GRM1: variants seen among roughly 807,000 people sequenced by gnomAD.
GRM1 encodes the protein metabotropic glutamate receptor 1.
In GRM1, 33 loss-of-function variants were observed where a neutral mutation model predicts 90.9. The observed-to-expected ratio is 0.36, with a 90% CI of 0.28 to 0.49. GRM1 has a LOEUF of 0.49. GRM1 is among the 20% of genes least tolerant of loss of function. GRM1 has a pLI of 0.99. For missense variants in GRM1, 1,190 were observed against 1,534.3 expected (o/e 0.78, Z 3.75); for synonymous variants, 700 against 613.2 (o/e 1.14, Z -2.09).
chr6:146,424,819 C>T lies in GRM1; in HGVS notation c.2661-9053C>T, dbSNP rs185104133. 1.7e-3 allele frequency among the ~76,000 whole-genome samples: 256 copies of T among 152,328 alleles called. 3 individuals carry two copies. The highest frequency in any genetic ancestry group is 6.0e-3 in the African/African-American group (250 of 41,574). On this transcript the variant is annotated intron_variant, in intron 7 of 7. Transcript: ENST00000282753. ...ATGCTTTGAGTGTATTTTCTATCTT[C>T]TTTCATGAGAAATAAAGTTGCTTGA...
intron 1 of GRM1, among the ~76,000 whole-genome samples, chr6:146,104,738 T>C (rs1777168815): frequency 6.6e-6 from 1 of 152,142 alleles, no homozygotes. Context: ...AACACACAAG[T>C]GGGGATACAT....
intron 3 of GRM1, among the ~76,000 whole-genome samples, chr6:146,334,886 G>A (rs529862260): frequency 3.3e-5 from 5 of 152,190 alleles, no homozygotes; most frequent in Non-Finnish European, 5.9e-5. Context: ...CAGTCCAAGA[G>A]CATTTCATGG....
chr6:146,180,474 CT>C (rs1046276118), intron 2 of GRM1, among the ~76,000 whole-genome samples: 5 of 151,232 alleles, frequency 3.3e-5, no homozygotes, highest in African/African-American at 9.7e-5. Flanking sequence ...AGCAGAGGAA[CT>C]TTTTTTTTCA....
chr6:146,421,803 C>A (rs367824974), intron 7 of GRM1, among the ~76,000 whole-genome samples: 1 of 151,884 alleles, frequency 6.6e-6, no homozygotes, highest in Non-Finnish European at 1.5e-5. Context: ...TACATGCATG[C>A]GTTAAAAGGA....
At position 146,437,090 on chromosome 6, in the gene GRM1, T is replaced by C. The variant is rs1257582842; in HGVS notation, c.*2294T>C. On this transcript the variant is annotated 3_prime_UTR_variant, in exon 8 of 8. Transcript: ENST00000282753. ...AAGCAGAGAGCGGAAAATCAATGGC[T>C]CCAGTGATTAATAGATGGGTTTTTA... The C allele has an allele frequency of 6.6e-6, 1 of 152,164 alleles. No individual in the cohort carries two copies. The highest frequency in any genetic ancestry group is 6.5e-5 in the Admixed American group (1 of 15,278). 9.4% of individuals were successfully genotyped at this position (152,164 alleles called of 1,614,324 possible). A position where few individuals can be genotyped will look rare whatever the true frequency, so the allele number is the denominator to read the frequency against.
intron 1 of GRM1, among the ~76,000 whole-genome samples, chr6:146,037,756 C>A (rs1029913114): frequency 2.6e-5 from 4 of 152,018 alleles, no homozygotes; most frequent in Non-Finnish European, 5.9e-5. Flanking sequence ...TCTTTAGCAA[C>A]CCACTTACCC....
At position 146,398,804 on chromosome 6, in the gene GRM1, A is replaced by G; in HGVS notation, c.1765A>G (p.Ser589Gly). 1 of 1,613,530 alleles carries G rather than the reference A, an allele frequency of 6.2e-7. No individual in the cohort carries two copies. The highest frequency in any genetic ancestry group is 8.5e-7 in the Non-Finnish European group (1 of 1,179,528). ...CATTCCTGTGCGCTATCTTGAGTGG[A>G]GCAACATCGAATCCATTATAGCCAT... ...EPIPVRYLEW[S>G]NIESIIAIAF... Residue 589 changes from serine to glycine, a missense_variant, in exon 7 of 8, where the codon AGC becomes GGC. Around this residue, in one of 10 missense-constraint regions of GRM1, gnomAD observed 414 missense variants for 598.4 expected, o/e 0.69. Coordinates refer to ENST00000282753, the MANE Select transcript of GRM1 (RefSeq NM_001278064.2).
intron 1 of GRM1, among the ~76,000 whole-genome samples, chr6:146,068,215 A>G (rs1004983092): frequency 6.6e-6 from 1 of 151,566 alleles, no homozygotes; most frequent in African/African-American, 2.4e-5. Flanking sequence ...CGGGGTTCAC[A>G]CCATTCTCCT....
At chr6:146,384,757 T>C (rs1261699310) in intron 5 of GRM1, among the ~76,000 whole-genome samples, 2 of 151,668 alleles carry the variant, frequency 1.3e-5, no homozygotes, top group African/African-American at 4.8e-5. Context: ...TGCTAAAAGA[T>C]TTAAAAGAAG....
intron 1 of GRM1, among the ~76,000 whole-genome samples, chr6:146,050,880 T>C (rs1791499936): frequency 6.6e-6 from 1 of 152,066 alleles, no homozygotes; most frequent in South Asian, 2.1e-4. Flanking sequence ...GCTGATGACC[T>C]GTGAACCTGT....
intron 2 of GRM1, among the ~76,000 whole-genome samples, chr6:146,285,581 G>T (rs1369518863): frequency 6.6e-6 from 1 of 152,040 alleles, no homozygotes; most frequent in East Asian, 1.9e-4. Context: ...TTGTGCTCAG[G>T]AAGAACTATA....
intron 2 of GRM1, among the ~76,000 whole-genome samples, chr6:146,181,557 A>G (rs1189442925): frequency 6.6e-6 from 1 of 152,204 alleles, no homozygotes; most frequent in Non-Finnish European, 1.5e-5. Flanking sequence ...ACAGCACTTG[A>G]TCTATAATTG....
intron 2 of GRM1, among the ~76,000 whole-genome samples, chr6:146,232,431 G>A (rs1429977461): frequency 6.6e-6 from 1 of 151,662 alleles, no homozygotes; most frequent in African/African-American, 2.4e-5. Flanking sequence ...TATTTATATG[G>A]TACATGAGAT....
At chr6:146,147,249 C>T (rs1003032744) in intron 1 of GRM1, among the ~76,000 whole-genome samples, 2 of 152,122 alleles carry the variant, frequency 1.3e-5, no homozygotes, top group East Asian at 1.9e-4. Flanking sequence ...AAACATAGAA[C>T]GTGTTGTAGG....
intron 5 of GRM1, among the ~76,000 whole-genome samples, chr6:146,368,260 T>TTGGGG (rs1491160990): frequency 3.5e-4 from 40 of 115,924 alleles, no homozygotes; most frequent in Non-Finnish European, 5.5e-4. Context: ...AGTTTTTTTT[T>TTGGGG]GGGGGGGGGG....
chr6:146,323,760 A>T (rs1157218292), intron 3 of GRM1, among the ~76,000 whole-genome samples: 1 of 152,152 alleles, frequency 6.6e-6, no homozygotes, highest in East Asian at 1.9e-4. Flanking sequence ...TCTTGAATTA[A>T]TTTTTGTATA....
chr6:146,252,552 C>CA lies in GRM1; in HGVS notation c.951-52058dup, dbSNP rs1369643607. Among the ~76,000 whole-genome samples the CA allele has an allele frequency of 5.3e-5, 8 of 152,172 alleles. No individual in the cohort carries two copies. The South Asian group carries it at 1.0e-3, about 20-fold the overall frequency. On this transcript the variant is annotated intron_variant, in intron 2 of 7. Transcript: ENST00000282753. ...GTTTGAACCCGGGAGGCAGAGGTTG[C>CA]AGTGAGAGCTGAGATCCCGACACTG...
chr6:146,030,733 A>C (rs1185007952), intron 1 of GRM1, among the ~76,000 whole-genome samples: 1 of 152,204 alleles, frequency 6.6e-6, no homozygotes, highest in Non-Finnish European at 1.5e-5. Context: ...CTTTCCTGTG[A>C]ATGTAGGATT....
chr6:146,101,695 A>T (rs988230949), intron 1 of GRM1, among the ~76,000 whole-genome samples: 2 of 152,060 alleles, frequency 1.3e-5, no homozygotes, highest in African/African-American at 4.8e-5. Flanking sequence ...CTATAATGCT[A>T]AAAGTATTAA....
Sources: allele counts gnomAD v4.1 joint callset (sites outside exome capture counted in the v4.1 genomes callset), GRCh38; gene constraint gnomAD v4.1.1; regional missense constraint gnomAD v4.1.1; transcripts MANE v1.5; gene names NCBI Gene and HGNC (gene_info 2026-07-23, HGNC 2026-07-21).